The following LRRC63 variants were observed in gnomAD, a reference collection of about 807,000 sequenced individuals.
The protein encoded by LRRC63 is leucine rich repeat containing 63.
Under a neutral mutation model 49.5 loss-of-function variants are expected in LRRC63, and 40 were observed. The ratio of observed to expected loss-of-function variants is 0.81; its 90% confidence interval spans 0.63 to 1.05. The LOEUF (loss-of-function observed/expected upper bound fraction) is 1.05. Among genes scored for constraint, LRRC63 ranks in the 50% least tolerant of loss-of-function variants. LRRC63 has a pLI of 0.00. For missense variants in LRRC63, 636 were observed against 663.1 expected (o/e 0.96, Z 0.45); for synonymous variants, 191 against 221.1 (o/e 0.86, Z 1.21).
chr13:46,261,431 A>C (rs939136695), intron 7 of LRRC63, among the ~76,000 whole-genome samples: 3 of 152,214 alleles, frequency 2.0e-5, no homozygotes, highest in Admixed American at 6.5e-5. Flanking sequence ...TTATGCTTCC[A>C]CAAGCCGTGG....
exon 9 of LRRC63, chr13:46,266,747 T>C: frequency 1.3e-6 from 2 of 1,543,522 alleles, no homozygotes; most frequent in Non-Finnish European, 8.7e-7. Context: ...CTTGAAAAAC[T>C]GACTGTTGAT....
chr13:46,229,116 G>A (rs1004886045), intron 4 of LRRC63, among the ~76,000 whole-genome samples: 1 of 152,084 alleles, frequency 6.6e-6, no homozygotes, highest in Non-Finnish European at 1.5e-5. Flanking sequence ...CAAATATAGT[G>A]TGTGGCAAAT....
intron 5 of LRRC63, 54 bp from the exon 6 acceptor site, chr13:46,246,473 C>A: frequency 1.2e-6 from 1 of 819,550 alleles, no homozygotes; most frequent in South Asian, 3.4e-5. Flanking sequence ...CTTGTATAAA[C>A]TATTTTGTGC....
intron 7 of LRRC63, among the ~76,000 whole-genome samples, chr13:46,255,435 G>T (rs774026099): frequency 1.3e-5 from 2 of 151,934 alleles, no homozygotes; most frequent in Non-Finnish European, 2.9e-5. Context: ...CAGATTTTAT[G>T]TTATCTATAT....
At chr13:46,269,300 T>C (rs2047723439) in intron 9 of LRRC63, among the ~76,000 whole-genome samples, 1 of 151,846 alleles carries the variant, frequency 6.6e-6, no homozygotes, top group Non-Finnish European at 1.5e-5. Context: ...AGGTTGGTAT[T>C]AAGTGCAAGG....
chr13:46,250,542 G>T, intron 7 of LRRC63, 51 bp downstream of exon 7: 1 of 1,393,738 alleles, frequency 7.2e-7, no homozygotes. Flanking sequence ...TCATAATTTC[G>T]AAAAAGATCA....
intron 9 of LRRC63, among the ~76,000 whole-genome samples, chr13:46,276,080 T>C (rs1206641855): frequency 1.3e-5 from 2 of 152,194 alleles, no homozygotes; most frequent in African/African-American, 4.8e-5. Context: ...GAATAGTCTA[T>C]TCCTGTACTA....
chr13:46,213,101 G>A lies in LRRC63; in HGVS notation c.67G>A (p.Glu23Lys), dbSNP rs961280709. The A allele has an allele frequency of 3.2e-6, 5 of 1,547,082 alleles. No homozygotes were observed. In the African/African-American group the frequency reaches 5.5e-5, roughly 17 times the overall value. ...AAAATTCACTAAGCTGTCTTTACAT[G>A]AGAAAAAAACCCATACAGGTATGTG... The change falls in exon 2 of 10, where the codon GAG becomes AAG. Residue 23 changes from glutamate (E) to lysine (K), a missense_variant. Coordinates refer to ENST00000595396, the Ensembl canonical transcript of LRRC63.
chr13:46,217,159 G>C (rs1050270467), intron 2 of LRRC63, among the ~76,000 whole-genome samples: 2 of 152,140 alleles, frequency 1.3e-5, no homozygotes, highest in African/African-American at 4.8e-5. Context: ...TTTTTCTGTT[G>C]TTTGGAATAG....
At chr13:46,261,490 G>A (rs2047613281) in intron 7 of LRRC63, among the ~76,000 whole-genome samples, 1 of 152,134 alleles carries the variant, frequency 6.6e-6, no homozygotes, top group Admixed American at 6.5e-5. Context: ...AGAAGCAAGG[G>A]ACAGTTTCTC....
At chr13:46,237,845 T>G (rs981137986) in intron 5 of LRRC63, among the ~76,000 whole-genome samples, 1 of 152,008 alleles carries the variant, frequency 6.6e-6, no homozygotes, top group Non-Finnish European at 1.5e-5. Context: ...ATAACCTAGA[T>G]AAAATGGAAA....
At chr13:46,216,212 T>G (rs2046246971) in intron 2 of LRRC63, among the ~76,000 whole-genome samples, 1 of 152,224 alleles carries the variant, frequency 6.6e-6, no homozygotes, top group Admixed American at 6.5e-5. Flanking sequence ...TTGGGCAGTA[T>G]GGCCATTTTC....
intron 4 of LRRC63, among the ~76,000 whole-genome samples, chr13:46,231,770 T>G (rs1315678677): frequency 6.6e-6 from 1 of 151,212 alleles, no homozygotes; most frequent in Admixed American, 6.6e-5. Context: ...CCTCCCAAAG[T>G]GCTGGGATTA....
chr13:46,218,345 A>T (rs957643987), intron 2 of LRRC63, among the ~76,000 whole-genome samples: 1 of 152,098 alleles, frequency 6.6e-6, no homozygotes, highest in Non-Finnish European at 1.5e-5. Context: ...TTTACCCATT[A>T]TGTAATGCCC....
At chr13:46,240,126 CTTTTTTTTTT>C (rs35181820) in intron 5 of LRRC63, among the ~76,000 whole-genome samples, 4 of 120,872 alleles carry the variant, frequency 3.3e-5, no homozygotes, top group African/African-American at 1.3e-4. Context: ...CTCTCTTTTT[CTTTTTTTTTT>C]TTTTTTTTTT....
intron 9 of LRRC63, among the ~76,000 whole-genome samples, chr13:46,268,229 C>T (rs1330757218): frequency 6.6e-6 from 1 of 151,976 alleles, no homozygotes; most frequent in Non-Finnish European, 1.5e-5. Context: ...TAACTCAATG[C>T]ATGAGTTAAA....
intron 5 of LRRC63, among the ~76,000 whole-genome samples, chr13:46,245,049 G>T (rs1039375168): frequency 3.3e-5 from 5 of 152,182 alleles, no homozygotes; most frequent in African/African-American, 1.2e-4. Context: ...TCTTATGGCT[G>T]TATTAGCTGA....
intron 9 of LRRC63, 121 bp from the exon 10 acceptor site, chr13:46,276,469 C>A: frequency 2.4e-6 from 1 of 423,806 alleles, no homozygotes; most frequent in Non-Finnish European, 4.0e-6. Flanking sequence ...GGGTAGCACT[C>A]ACCTAGCTGG....
At chr13:46,263,560 T>A (rs1379882035) in intron 8 of LRRC63, among the ~76,000 whole-genome samples, 1 of 152,190 alleles carries the variant, frequency 6.6e-6, no homozygotes, top group African/African-American at 2.4e-5. Context: ...TAAAAAGTAC[T>A]TCCCCCACCA....
Sources: allele counts gnomAD v4.1 joint callset (sites outside exome capture counted in the v4.1 genomes callset), GRCh38; gene constraint gnomAD v4.1.1; transcripts MANE v1.5; gene names NCBI Gene and HGNC (gene_info 2026-07-23, HGNC 2026-07-21).